The following GPC6 variants were observed in gnomAD, a reference collection of about 807,000 sequenced individuals.
GPC6 encodes the protein glypican 6.
Under a neutral mutation model 55.2 loss-of-function variants are expected in GPC6, and 14 were observed. The ratio of observed to expected loss-of-function variants is 0.25; its 90% CI spans 0.17 to 0.40. The LOEUF (loss-of-function observed/expected upper bound fraction) is 0.40, where lower values mean the gene tolerates loss of function less well. Among genes scored for constraint, GPC6 ranks in the 10% least tolerant of loss-of-function variants. GPC6 has a pLI of 1.00. For missense variants in GPC6, 641 were observed against 708.5 expected, an observed-to-expected ratio of 0.90 and a Z score of 1.08; for synonymous variants, 278 against 259.6, an observed-to-expected ratio of 1.07 and a Z score of -0.68.
intron 1 of GPC6, among the ~76,000 whole-genome samples, chr13:93,442,505 C>A (rs527899635): frequency 6.6e-6 from 1 of 152,294 alleles, no homozygotes; most frequent in South Asian, 2.1e-4. Context: ...TCTACCACCT[C>A]CCATCTCCCA....
chr13:94,093,035 G>T (rs1337408097), intron 4 of GPC6, among the ~76,000 whole-genome samples: 2 of 151,872 alleles, frequency 1.3e-5, no homozygotes, highest in African/African-American at 2.4e-5. Flanking sequence ...TAGATAAATG[G>T]TTTACAAATA....
intron 1 of GPC6, among the ~76,000 whole-genome samples, chr13:93,354,349 A>AGTTTTTTT (rs1880751532): frequency 8.6e-6 from 1 of 115,820 alleles, no homozygotes; most frequent in Non-Finnish European, 1.6e-5. Flanking sequence ...CCGTTGGTAG[A>AGTTTTTTT]TTTTTTTTTT....
At chr13:93,588,865 A>G (rs1455509511) in intron 2 of GPC6, among the ~76,000 whole-genome samples, 1 of 152,072 alleles carries the variant, frequency 6.6e-6, no homozygotes, top group African/African-American at 2.4e-5. Context: ...ATCACCTCCC[A>G]TCATAGATTG....
chr13:94,290,683 C>T (rs1392415945), intron 5 of GPC6, among the ~76,000 whole-genome samples: 1 of 152,026 alleles, frequency 6.6e-6, no homozygotes, highest in Non-Finnish European at 1.5e-5. Flanking sequence ...ACTCTCTCAG[C>T]AATTTTCAAG....
chr13:93,769,103 T>C (rs1287569891), intron 2 of GPC6, among the ~76,000 whole-genome samples: 1 of 152,162 alleles, frequency 6.6e-6, no homozygotes, highest in Non-Finnish European at 1.5e-5. Flanking sequence ...ATCGGCTCAT[T>C]CCCTTACAAT....
chr13:94,045,360 T>A (rs760634180), intron 4 of GPC6, among the ~76,000 whole-genome samples: 5 of 151,930 alleles, frequency 3.3e-5, no homozygotes, highest in Non-Finnish European at 7.4e-5. Flanking sequence ...TTGCTAACGT[T>A]TATATAATTT....
intron 2 of GPC6, among the ~76,000 whole-genome samples, chr13:93,705,379 T>C (rs771265769): frequency 6.6e-6 from 1 of 151,896 alleles, no homozygotes; most frequent in Non-Finnish European, 1.5e-5. Context: ...CATGACAGAG[T>C]AATTTTGTTG....
intron 4 of GPC6, among the ~76,000 whole-genome samples, chr13:94,173,614 A>G (rs913195080): frequency 1.3e-5 from 2 of 152,206 alleles, no homozygotes; most frequent in African/African-American, 4.8e-5. Flanking sequence ...TTCTAGAAAT[A>G]TAAATATTTA....
At chr13:93,773,172 A>G (rs1386009631) in intron 2 of GPC6, among the ~76,000 whole-genome samples, 1 of 152,218 alleles carries the variant, frequency 6.6e-6, no homozygotes, top group Non-Finnish European at 1.5e-5. Flanking sequence ...CACTCTAGTT[A>G]GTAATACTGC....
chr13:93,521,027 A>T (rs757528766), intron 1 of GPC6, among the ~76,000 whole-genome samples: 5 of 151,964 alleles, frequency 3.3e-5, no homozygotes, highest in Non-Finnish European at 4.4e-5. Flanking sequence ...TCTAATTGTG[A>T]TTATCAATGG....
chr13:93,647,368 A>G (rs1051084925), intron 2 of GPC6, among the ~76,000 whole-genome samples: 2 of 152,152 alleles, frequency 1.3e-5, no homozygotes, highest in African/African-American at 2.4e-5. Flanking sequence ...ATATGTCTTC[A>G]CTGAGGTTAT....
At chr13:93,252,132 T>C (rs1380383139) in intron 1 of GPC6, among the ~76,000 whole-genome samples, 1 of 152,170 alleles carries the variant, frequency 6.6e-6, no homozygotes, top group African/African-American at 2.4e-5. Context: ...AGTTTTTGAT[T>C]CAGTAGATCT....
At chr13:93,475,803 G>A (rs923308799) in intron 1 of GPC6, among the ~76,000 whole-genome samples, 4 of 152,130 alleles carry the variant, frequency 2.6e-5, no homozygotes, top group Non-Finnish European at 4.4e-5. Context: ...GATCTAGATA[G>A]GCTGAGGTAT....
intron 3 of GPC6, among the ~76,000 whole-genome samples, chr13:93,995,146 C>G (rs1881479656): frequency 6.7e-6 from 1 of 150,172 alleles, no homozygotes; most frequent in Non-Finnish European, 1.5e-5. Context: ...TTTCACATAG[C>G]ACCCTGTACT....
intron 3 of GPC6, among the ~76,000 whole-genome samples, chr13:93,997,806 A>G (rs925194738): frequency 6.6e-6 from 1 of 152,202 alleles, no homozygotes; most frequent in Admixed American, 6.5e-5. Context: ...TAAATGACAG[A>G]TTCTAAATGA....
chr13:93,809,417 G>A (rs1279197074), intron 2 of GPC6, among the ~76,000 whole-genome samples: 2 of 152,038 alleles, frequency 1.3e-5, no homozygotes, highest in African/African-American at 4.8e-5. Context: ...GGATTTTAAG[G>A]GCCATGGTAT....
chr13:94,088,930 A>G (rs9556351), intron 4 of GPC6, among the ~76,000 whole-genome samples: 120,749 of 151,998 alleles, frequency 0.79, 48,273 homozygotes, highest in South Asian at 0.88. Flanking sequence ...TATCTGACAT[A>G]TAATTGATTT....
At chr13:93,395,153 C>T in intron 1 of GPC6, 1 of 275,810 alleles carries the variant, frequency 3.6e-6, no homozygotes, top group South Asian at 4.9e-5. Flanking sequence ...CTCACTACTA[C>T]CATATCCACC....
chr13:93,715,804 TA>T (rs1883232952), intron 2 of GPC6, among the ~76,000 whole-genome samples: 1 of 151,658 alleles, frequency 6.6e-6, no homozygotes, highest in South Asian at 2.1e-4. Context: ...AATGTATGTG[TA>T]ACCAAAAAAA....
Sources: allele counts gnomAD v4.1 joint callset (sites outside exome capture counted in the v4.1 genomes callset), GRCh38; gene constraint gnomAD v4.1.1; transcripts MANE v1.5; gene names NCBI Gene and HGNC (gene_info 2026-07-23, HGNC 2026-07-21).